The following MARCHF1 variants were observed in gnomAD, a reference collection of about 807,000 sequenced individuals.
MARCHF1 encodes the protein E3 ubiquitin-protein ligase MARCHF1.
MARCHF1 carries 40 observed loss-of-function variants against 54.2 expected under a neutral mutation model. The observed-to-expected ratio is 0.74, with a 90% confidence interval of 0.57 to 0.96. The LOEUF is 0.96. MARCHF1 is among the 40% of genes least tolerant of loss of function. The pLI, the probability that MARCHF1 is intolerant of heterozygous loss-of-function variation, is 0.00. For synonymous variants in MARCHF1, 236 were observed against 236.3 expected, an observed-to-expected ratio of 1.00 and a Z score of 0.01; for missense variants, 586 against 656.5, an observed-to-expected ratio of 0.89 and a Z score of 1.17.
intron 9 of MARCHF1, among the ~76,000 whole-genome samples, chr4:163,537,877 T>C (rs1360247333): frequency 6.6e-6 from 1 of 152,210 alleles, no homozygotes; most frequent in East Asian, 1.9e-4. Context: ...AGTAAATTCT[T>C]CCAGGACTCC....
chr4:164,350,997 G>A (rs1235774784), intron 1 of MARCHF1, among the ~76,000 whole-genome samples: 2 of 152,030 alleles, frequency 1.3e-5, no homozygotes, highest in Non-Finnish European at 2.9e-5. Flanking sequence ...AAAGAAAGGG[G>A]TGACGGACGC....
At chr4:163,950,589 G>A (rs561193801) in intron 3 of MARCHF1, among the ~76,000 whole-genome samples, 1 of 152,282 alleles carries the variant, frequency 6.6e-6, no homozygotes, top group East Asian at 1.9e-4. Flanking sequence ...TTGGAAGGGG[G>A]CATGGCTTCT....
At chr4:163,832,332 G>T (rs552773500) in intron 4 of MARCHF1, among the ~76,000 whole-genome samples, 11 of 152,196 alleles carry the variant, frequency 7.2e-5, no homozygotes, top group African/African-American at 2.4e-4. Flanking sequence ...CGTGAGTTTT[G>T]CAACCCTTAA....
At chr4:164,210,029 A>G (rs1462918337) in intron 1 of MARCHF1, among the ~76,000 whole-genome samples, 1 of 152,186 alleles carries the variant, frequency 6.6e-6, no homozygotes, top group Non-Finnish European at 1.5e-5. Flanking sequence ...TACATTTTTT[A>G]TGAAATTATT....
chr4:163,689,780 G>T (rs535063758), intron 5 of MARCHF1, among the ~76,000 whole-genome samples: 2 of 151,896 alleles, frequency 1.3e-5, no homozygotes, highest in African/African-American at 4.8e-5. Flanking sequence ...ACATCATCTG[G>T]CATATTTAAA....
intron 3 of MARCHF1, among the ~76,000 whole-genome samples, chr4:163,987,523 A>AT (rs1468264532): frequency 6.6e-6 from 1 of 151,916 alleles, no homozygotes; most frequent in Non-Finnish European, 1.5e-5. Context: ...TATTTGCTTT[A>AT]TTTTTTGTCT....
rs1351310567 is a variant in MARCHF1, at chr4:163,907,808, C to A, written c.-38-53639G>T. Among the ~76,000 whole-genome samples, 4 of 152,056 alleles carry A rather than the reference C, an allele frequency of 2.6e-5. No homozygotes were observed. In the South Asian group the frequency reaches 8.3e-4, roughly 31 times the overall value. On this transcript the variant is annotated intron_variant, in intron 3 of 9. Transcript: ENST00000514618. ...AAAGCCTGATTCCTTTATATCTTCACCAAGGTTTATTACTTTAGAACGATA... is the reference window on the plus strand; with the variant it reads ...AAAGCCTGATTCCTTTATATCTTCAACAAGGTTTATTACTTTAGAACGATA...
chr4:163,824,046 A>G (rs773231173), intron 4 of MARCHF1, among the ~76,000 whole-genome samples: 1 of 148,296 alleles, frequency 6.7e-6, no homozygotes, highest in Non-Finnish European at 1.5e-5. Flanking sequence ...AAGCAGAAAT[A>G]AAGCCAAGTA....
intron 5 of MARCHF1, among the ~76,000 whole-genome samples, chr4:163,634,839 A>C (rs1742254684): frequency 1.4e-5 from 2 of 140,768 alleles, no homozygotes; most frequent in Non-Finnish European, 1.5e-5. Context: ...TTGACCACAT[A>C]ATTGGAAGTA....
intron 1 of MARCHF1, among the ~76,000 whole-genome samples, chr4:164,271,904 T>C (rs1423570475): frequency 3.3e-5 from 5 of 151,798 alleles, no homozygotes; most frequent in Non-Finnish European, 5.9e-5. Context: ...TATGAGTGAA[T>C]AAATATACAT....
At chr4:164,313,552 G>C (rs1734922652) in intron 1 of MARCHF1, among the ~76,000 whole-genome samples, 1 of 152,104 alleles carries the variant, frequency 6.6e-6, no homozygotes, top group African/African-American at 2.4e-5. Context: ...GACATGCCAG[G>C]CAGAGTAGTG....
At chr4:163,562,081 G>A (rs1325404728) in intron 8 of MARCHF1, among the ~76,000 whole-genome samples, 1 of 152,132 alleles carries the variant, frequency 6.6e-6, no homozygotes. Flanking sequence ...CAGATCACCT[G>A]AGGTCAGGAG....
At chr4:163,560,331 A>C (rs534252765) in intron 8 of MARCHF1, among the ~76,000 whole-genome samples, 49 of 152,288 alleles carry the variant, frequency 3.2e-4, no homozygotes, top group Admixed American at 2.5e-3. Context: ...AAATCAGTTG[A>C]CTGTATATGT....
rs1028866317 is a variant in MARCHF1, at chr4:163,887,231, A to G, written c.-38-33062T>C. On this transcript the variant is annotated intron_variant, in intron 3 of 9. Transcript: ENST00000514618. ...ATGATTGAAAGTAATTAATAGATGT[A>G]TGATTGGGGAGGAGAGGGGACATTT... 2.6e-5 allele frequency among the ~76,000 whole-genome samples: 4 copies of G among 152,100 alleles called. No homozygotes were observed. The East Asian group carries it at 7.7e-4, about 29-fold the overall frequency.
intron 1 of MARCHF1, among the ~76,000 whole-genome samples, chr4:164,220,994 GA>G (rs1732095837): frequency 6.6e-6 from 1 of 151,780 alleles, no homozygotes; most frequent in Non-Finnish European, 1.5e-5. Context: ...AGTGAAGTCT[GA>G]AAAACGTGGA....
intron 4 of MARCHF1, among the ~76,000 whole-genome samples, chr4:163,751,226 G>C (rs1231442385): frequency 4.6e-5 from 7 of 151,490 alleles, no homozygotes; most frequent in Admixed American, 4.6e-4. Context: ...AGTAACTACA[G>C]GTGTGATCAT....
At position 163,526,601 on chromosome 4, in the gene MARCHF1, T is replaced by G. The variant is rs1417996904; in HGVS notation, c.*2147A>C. 1 of 151,950 alleles carries G rather than the reference T, an allele frequency of 6.6e-6. No homozygotes were observed. The highest frequency in any genetic ancestry group is 1.5e-5 in the Non-Finnish European group (1 of 67,938). 9.4% of individuals were successfully genotyped at this position (151,950 alleles called of 1,614,324 possible). On this transcript the variant is annotated 3_prime_UTR_variant, in exon 10 of 10. Transcript: ENST00000514618. Reference sequence around the variant, plus strand: ...CATAAATGTATTTATCTTAAATATTTAAAATGGGCATTTAAGAGGAATTTA... The same window carrying G: ...CATAAATGTATTTATCTTAAATATTGAAAATGGGCATTTAAGAGGAATTTA...
At chr4:164,197,695 C>A in intron 1 of MARCHF1, 1 of 1,612,314 alleles carries the variant, frequency 6.2e-7, no homozygotes. Flanking sequence ...TGAATGAATC[C>A]GTCTGCCCAT....
At chr4:163,644,587 C>T (rs1414060557) in intron 5 of MARCHF1, among the ~76,000 whole-genome samples, 3 of 152,148 alleles carry the variant, frequency 2.0e-5, no homozygotes, top group Non-Finnish European at 4.4e-5. Context: ...CAGACCCCCT[C>T]TGCTATGGTC....
Sources: allele counts gnomAD v4.1 joint callset (sites outside exome capture counted in the v4.1 genomes callset), GRCh38; gene constraint gnomAD v4.1.1; transcripts MANE v1.5; gene names NCBI Gene and HGNC (gene_info 2026-07-23, HGNC 2026-07-21).